Variants in UHMK1 observed in about 807,000 individuals in gnomAD.
The protein encoded by UHMK1 is U2AF homology motif kinase 1.
In UHMK1, 18 loss-of-function variants were observed where a neutral mutation model predicts 44.0. That is an observed-to-expected ratio of 0.41 (90% CI 0.28 to 0.61). The LOEUF (loss-of-function observed/expected upper bound fraction) is 0.61. Among genes scored for constraint, UHMK1 ranks in the 20% least tolerant of loss-of-function variants. The pLI is 0.31. For synonymous variants in UHMK1, 231 were observed against 198.5 expected, an observed-to-expected ratio of 1.16 and a Z score of -1.38; for missense variants, 463 against 522.5, an observed-to-expected ratio of 0.89 and a Z score of 1.11.
chr1:162,517,475 A>G (rs917008191), intron 6 of UHMK1, among the ~76,000 whole-genome samples: 1 of 152,210 alleles, frequency 6.6e-6, no homozygotes, highest in African/African-American at 2.4e-5. Flanking sequence ...ATTAAAACAA[A>G]TGAGAAAATT....
At chr1:162,522,033 G>A (rs550533367) in intron 7 of UHMK1, among the ~76,000 whole-genome samples, 2 of 139,656 alleles carry the variant, frequency 1.4e-5, no homozygotes, top group East Asian at 4.1e-4. Flanking sequence ...TTGAAATGCA[G>A]TTGCTGTCTG....
chr1:162,512,978 G>A (rs1213560382), intron 6 of UHMK1, 155 bp downstream of exon 6: 2 of 757,016 alleles, frequency 2.6e-6, no homozygotes, highest in East Asian at 3.2e-5. Flanking sequence ...TTGAGGCGGA[G>A]TTTCACTCTT....
chr1:162,500,138 A>G lies in UHMK1; in HGVS notation c.452A>G (p.His151Arg), dbSNP rs1651214255. Residue 151 changes from histidine (H) to arginine (R), a missense_variant, in exon 2 of 8, where the codon CAT becomes CGT. Physicochemically the swap from His to Arg is conservative, Grantham distance 29. Around this residue, in one of 3 missense-constraint regions of UHMK1, gnomAD observed 264 missense variants for 326.3 expected, o/e 0.81. Coordinates refer to ENST00000489294, the MANE Select transcript of UHMK1 (RefSeq NM_175866.5). Reference protein sequence around the residue: ...DVLEALAFLHHEGYVHADLKP... With the variant: ...DVLEALAFLHREGYVHADLKP... ...TTGGAGGCCCTTGCTTTTCTTCATC[A>G]TGAGGGCTATGTCCATGCGGACCTC... 6.2e-7 allele frequency: 1 copy of G among 1,614,084 alleles called. No individual in the cohort carries two copies. Among genetic ancestry groups the G allele is most frequent in the Non-Finnish European group, 8.5e-7 (1 of 1,180,054 alleles).
Position 162,500,212 on chromosome 1 carries a change from A to T in UHMK1, c.526A>T (p.Ile176Phe). 1 of 1,613,422 alleles carries T rather than the reference A, an allele frequency of 6.2e-7. No individual in the cohort carries two copies. The highest frequency in any genetic ancestry group is 8.5e-7 in the Non-Finnish European group (1 of 1,179,350). Residue 176 changes from isoleucine (I) to phenylalanine (F), a missense_variant, in exon 2 of 8, where the codon ATT (isoleucine) becomes TTT (phenylalanine). Around this residue, in one of 3 missense-constraint regions of UHMK1, gnomAD observed 264 missense variants for 326.3 expected, o/e 0.81. Coordinates refer to ENST00000489294, the MANE Select transcript of UHMK1 (RefSeq NM_175866.5). The stretch of plus-strand genomic sequence containing the variant: ...TGCAGAGAATGAATGTTTTAAACTC[A>T]TTGACTTTGGACTTAGCTTCAAAGA... ...WSAENECFKL[I>F]DFGLSFKEGN... is the part of the protein sequence containing the mutation.
Position 162,528,339 on chromosome 1 carries a change from A to G in UHMK1, c.*5789A>G, listed in dbSNP as rs962725094. On this transcript the variant is annotated 3_prime_UTR_variant, in exon 8 of 8. Transcript: ENST00000489294. ...TATAGTTAATGAGCTAAAAAATGATACTTAAAGTTCCAGGTTTGGTACCGC... is the reference window on the plus strand; with the variant it reads ...TATAGTTAATGAGCTAAAAAATGATGCTTAAAGTTCCAGGTTTGGTACCGC... 6.6e-6 allele frequency: 1 copy of G among 152,108 alleles called. No homozygotes were observed. The highest frequency in any genetic ancestry group is 1.9e-4 in the East Asian group (1 of 5,204). The allele number at this position is 152,108 out of a possible 1,614,324, so 9.4% of individuals were successfully genotyped here.
At chr1:162,515,567 G>C (rs423227) in intron 6 of UHMK1, among the ~76,000 whole-genome samples, 1 of 152,002 alleles carries the variant, frequency 6.6e-6, no homozygotes, top group Non-Finnish European at 1.5e-5. Context: ...CAGGTTGTCT[G>C]TCTGAAAGAA....
chr1:162,512,663 A>G (rs1651707189), intron 5 of UHMK1, 62 bp from the exon 6 acceptor site: 1 of 1,603,840 alleles, frequency 6.2e-7, no homozygotes, highest in Non-Finnish European at 8.5e-7. Context: ...AAGTTCCTTT[A>G]TCTGGTGTTC....
Position 162,498,121 on chromosome 1 carries a change from C to T in UHMK1, c.121C>T (p.Arg41Cys). 1 of 1,612,472 alleles carries T rather than the reference C, an allele frequency of 6.2e-7. No homozygotes were observed. The highest frequency in any genetic ancestry group is 8.5e-7 in the Non-Finnish European group (1 of 1,179,632). The change falls in exon 1 of 8, where the codon CGC becomes TGC. Residue 41 changes from arginine to cysteine, a missense_variant. By Grantham distance (180) the Arg-to-Cys change is radical. Coordinates refer to ENST00000489294, the MANE Select transcript of UHMK1 (RefSeq NM_175866.5). ...SGSSASVYRV[R>C]CCGNPGSPPG... ...CTCCTCCGCCTCGGTGTATCGGGTT[C>T]GCTGCTGCGGCAACCCTGGCTCGCC...
Position 162,525,125 on chromosome 1 carries a change from A to C in UHMK1, c.*2575A>C, listed in dbSNP as rs1380949940. On this transcript the variant is annotated 3_prime_UTR_variant, in exon 8 of 8. Transcript: ENST00000489294. Reference sequence around the variant, plus strand: ...CCTCCTGTGATTGAAATTATTTTATAGCTCTTAGCCCGTTCTACCAAAGAT... The same window carrying C: ...CCTCCTGTGATTGAAATTATTTTATCGCTCTTAGCCCGTTCTACCAAAGAT... 6.6e-6 allele frequency: 1 copy of C among 152,194 alleles called. No homozygotes were observed. The allele number at this position is 152,194 out of a possible 1,614,324, so 9.4% of individuals were successfully genotyped here. A position where few individuals can be genotyped will look rare whatever the true frequency, so the allele number is the denominator to read the frequency against.
At chr1:162,515,288 A>G (rs922188158) in intron 6 of UHMK1, among the ~76,000 whole-genome samples, 1 of 152,180 alleles carries the variant, frequency 6.6e-6, no homozygotes, top group African/African-American at 2.4e-5. Flanking sequence ...CAGTTTATAG[A>G]TAATGGAAGT....
intron 6 of UHMK1, 64 bp downstream of exon 6, chr1:162,512,887 C>T (rs113770447): frequency 2.0e-4 from 277 of 1,415,452 alleles, no homozygotes; most frequent in Middle Eastern, 3.6e-4. Context: ...TAAACATATC[C>T]GTAACATTTT....
chr1:162,518,008 G>A, intron 6 of UHMK1, 94 bp from the exon 7 acceptor site: 1 of 778,172 alleles, frequency 1.3e-6, no homozygotes, highest in Middle Eastern at 3.2e-4. Flanking sequence ...TACTAGTTAT[G>A]TATTCCTGAA....
At chr1:162,513,674 AAC>A (rs1177545151) in intron 6 of UHMK1, among the ~76,000 whole-genome samples, 3 of 152,200 alleles carry the variant, frequency 2.0e-5, no homozygotes, top group South Asian at 2.1e-4. Flanking sequence ...AAGTAGCACA[AAC>A]ACATAGATAT....
rs1275194912 is a variant in UHMK1 at position 162,527,832 on chromosome 1, T to C, written c.*5282T>C. 1 of 152,072 alleles carries C rather than the reference T, an allele frequency of 6.6e-6. No homozygotes were observed. The highest frequency in any genetic ancestry group is 1.5e-5 in the Non-Finnish European group (1 of 67,934). The allele number at this position is 152,072 out of a possible 1,614,324, so 9.4% of individuals were successfully genotyped here. ...TCTACTTATTTGTCTTATAAACCAT[T>C]AATCGTTTTTTGTGCAGAAGAGAGC... On this transcript the variant is annotated 3_prime_UTR_variant, in exon 8 of 8. Transcript: ENST00000489294.
At chr1:162,505,966 C>G (rs1270040441) in intron 4 of UHMK1, among the ~76,000 whole-genome samples, 3 of 152,202 alleles carry the variant, frequency 2.0e-5, no homozygotes, top group African/African-American at 7.2e-5. Flanking sequence ...TATACAGTAT[C>G]AAAACCAGTA....
Position 162,512,563 on chromosome 1 carries a change from T to C in UHMK1, c.912T>C (p.Phe304=), listed in dbSNP as rs1651704390. ...AAATGGCATTGTGCAGCCCATTCTT[T>C]AGCATTCCTTTTGGTAAGTTGTGTA... ...PAEMALCSPF[F]SIPFAPHIED... is the part of the protein sequence containing the mutation. Residue 304 remains phenylalanine (F), a synonymous_variant, in exon 5 of 8, where the codon TTT becomes TTC. Transcript: ENST00000489294. The C allele has an allele frequency of 2.5e-6, 4 of 1,612,798 alleles. No homozygotes were observed. The highest frequency in any genetic ancestry group is 3.4e-6 in the Non-Finnish European group (4 of 1,179,728).
In UHMK1 at chr1:162,529,259, T is replaced by G. The variant is rs1409529064; in HGVS notation, c.*6709T>G. 6.6e-6 allele frequency: 1 copy of G among 151,534 alleles called. No homozygotes were observed. Among genetic ancestry groups the G allele is most frequent in the Non-Finnish European group, 1.5e-5 (1 of 67,802 alleles). 9.4% of individuals were successfully genotyped at this position (151,534 alleles called of 1,614,324 possible). On this transcript the variant is annotated 3_prime_UTR_variant, in exon 8 of 8. Coordinates refer to ENST00000489294, the MANE Select transcript of UHMK1 (RefSeq NM_175866.5). The stretch of plus-strand genomic sequence containing the variant: ...TGTCTTATTGTTTGTGAGCTTTTGT[T>G]TTTTTTTTAAAGAAAAAACAAAAAC...
chr1:162,497,362 C>A, upstream of UHMK1: 1 of 682,354 alleles, frequency 1.5e-6, no homozygotes, highest in Non-Finnish European at 2.7e-6. Flanking sequence ...GTGCCCTGGC[C>A]TGGGAGAAAG....
chr1:162,514,739 ATGGTGGTCC>A (rs1270720347), intron 6 of UHMK1, among the ~76,000 whole-genome samples: 1 of 152,218 alleles, frequency 6.6e-6, no homozygotes, highest in African/African-American at 2.4e-5. Context: ...CACTTGGCAG[ATGGTGGTCC>A]TAGTTAAAGA....
Sources: gnomAD v4.1 joint callset for allele counts (sites outside exome capture counted in the v4.1 genomes callset) on GRCh38, gnomAD v4.1.1 for gene constraint, gnomAD v4.1.1 regional missense constraint, MANE v1.5 for transcripts, NCBI Gene and HGNC (gene_info 2026-07-23, HGNC 2026-07-21) for gene names.